SLC36A4: variants seen among roughly 807,000 people sequenced by gnomAD.
SLC36A4 encodes neutral amino acid uniporter 4.
A neutral mutation model predicts 50.5 loss-of-function variants in SLC36A4; 49 were observed. The observed-to-expected ratio is 0.97, with a 90% CI of 0.77 to 1.23. The LOEUF (loss-of-function observed/expected upper bound fraction) is 1.23, where lower values mean the gene tolerates loss of function less well. SLC36A4 is among the 50% of genes most tolerant of loss of function. SLC36A4 has a pLI of 0.00. For missense variants in SLC36A4, 611 were observed against 608.4 expected, an observed-to-expected ratio of 1.00 and a Z score of -0.05; for synonymous variants, 207 against 206.5, an observed-to-expected ratio of 1.00 and a Z score of -0.02.
chr11:93,154,010 C>G, intron 10 of SLC36A4, 98 bp downstream of exon 10: 1 of 578,408 alleles, frequency 1.7e-6, no homozygotes, highest in South Asian at 5.6e-5. Context: ...AAAAATACAT[C>G]TTATGTAGCT....
At chr11:93,180,463 T>A (rs1371649615) in intron 6 of SLC36A4, 1 of 327,776 alleles carries the variant, frequency 3.1e-6, no homozygotes, top group African/African-American at 2.2e-5. Context: ...CTTATATAGT[T>A]CTTTAAACAA....
chr11:93,162,851 T>C lies in SLC36A4; in HGVS notation c.892A>G (p.Lys298Glu). 1 of 1,612,800 alleles carries C rather than the reference T, an allele frequency of 6.2e-7. No homozygotes were observed. The highest frequency in any genetic ancestry group is 8.5e-7 in the Non-Finnish European group (1 of 1,179,682). ...GVVLPLENQM[K>E]ESKRFPQALN... The stretch of plus-strand genomic sequence containing the variant: ...GCTTGAGGGAAACGCTTTGATTCTT[T>C]CATTTGGTTTTCCAGTGGAAGGACC... Residue 298 changes from lysine to glutamate, a missense_variant, in exon 9 of 11, where the codon AAA becomes GAA. Coordinates refer to ENST00000326402, the MANE Select transcript of SLC36A4 (RefSeq NM_152313.4).
chr11:93,166,252 T>C (rs1860858283), intron 7 of SLC36A4: 2 of 1,219,842 alleles, frequency 1.6e-6, no homozygotes, highest in African/African-American at 3.1e-5. Flanking sequence ...CTGAGCAAAA[T>C]GCTCCTGATT....
At chr11:93,177,088 C>G (rs1359140065) in intron 6 of SLC36A4, among the ~76,000 whole-genome samples, 1 of 152,182 alleles carries the variant, frequency 6.6e-6, no homozygotes, top group Non-Finnish European at 1.5e-5. Flanking sequence ...TTCAGGTATA[C>G]CAAATCAGAC....
intron 1 of SLC36A4, among the ~76,000 whole-genome samples, chr11:93,195,573 C>T (rs543636029): frequency 6.6e-6 from 1 of 152,316 alleles, no homozygotes; most frequent in Non-Finnish European, 1.5e-5. Flanking sequence ...TCAATGCAAT[C>T]CTTTTAAAAC....
intron 2 of SLC36A4, among the ~76,000 whole-genome samples, 193 bp from the exon 3 acceptor site, chr11:93,184,713 G>A (rs1344736096): frequency 6.6e-6 from 1 of 152,068 alleles, no homozygotes; most frequent in East Asian, 1.9e-4. Context: ...GGAATAACAA[G>A]AGTTATTGTG....
chr11:93,180,658 A>T, intron 6 of SLC36A4, 139 bp downstream of exon 6: 1 of 713,012 alleles, frequency 1.4e-6, no homozygotes, highest in Non-Finnish European at 2.4e-6. Flanking sequence ...AAAAAAGACT[A>T]AAGGAAAATT....
intron 8 of SLC36A4, among the ~76,000 whole-genome samples, chr11:93,165,407 CATT>C (rs888822299): frequency 1.3e-5 from 2 of 152,104 alleles, no homozygotes; most frequent in African/African-American, 4.8e-5. Flanking sequence ...TCAAAACAAA[CATT>C]ATATTCATAA....
intron 9 of SLC36A4, chr11:93,160,091 A>G: frequency 1.0e-6 from 1 of 985,392 alleles, no homozygotes. Context: ...ATGTAATCCC[A>G]TGATTATTCT....
rs1162819362 is a variant in SLC36A4 at position 93,168,095 on chromosome 11, C to G, written c.617G>C (p.Ser206Thr). The change falls in exon 7 of 11, where the codon AGT (serine) becomes ACT (threonine). Residue 206 changes from serine to threonine, a missense_variant. Coordinates refer to ENST00000326402, the MANE Select transcript of SLC36A4 (RefSeq NM_152313.4). ...TNSSNPCERRSVDLRIYMLCF... is the reference protein window; with the variant it reads ...TNSSNPCERRTVDLRIYMLCF... ...AAGCATATATATCCTTAGGTCAACA[C>G]TTCTTCTCTCACAAGGGTTTGATGA... The G allele has an allele frequency of 6.2e-7, 1 of 1,612,384 alleles. No individual in the cohort carries two copies. Among genetic ancestry groups the G allele is most frequent in the Non-Finnish European group, 8.5e-7 (1 of 1,179,030 alleles).
intron 6 of SLC36A4, among the ~76,000 whole-genome samples, chr11:93,170,460 C>T (rs1246672999): frequency 1.3e-5 from 2 of 151,996 alleles, no homozygotes; most frequent in Non-Finnish European, 2.9e-5. Context: ...CTGAGCCTCA[C>T]AATAAGTTTA....
chr11:93,166,737 T>C (rs977759066), intron 7 of SLC36A4: 3 of 152,084 alleles, frequency 2.0e-5, no homozygotes, highest in African/African-American at 7.2e-5. Context: ...CTTTGCCTGA[T>C]TGGAAGCAGA....
chr11:93,148,580 A>G lies in SLC36A4; in HGVS notation c.1472T>C (p.Phe491Ser), dbSNP rs764269612. 4.3e-6 allele frequency: 7 copies of G among 1,612,084 alleles called. No individual in the cohort carries two copies. The highest frequency in any genetic ancestry group is 2.2e-5 in the East Asian group (1 of 44,816). The change falls in exon 11 of 11, where the codon TTT becomes TCT. Residue 491 changes from phenylalanine to serine, a missense_variant. By Grantham distance (155) the Phe-to-Ser change is radical (BLOSUM62 -2). Transcript: ENST00000326402. The stretch of plus-strand genomic sequence containing the variant: ...TAAGCATGTTGAATTCAAATTTAGA[A>G]AAGGACTCTGTGGAGTGCCAGCTAC... ...KVVAGTPQSP[F>S]LNLNSTCLTS...
chr11:93,155,009 T>C (rs1467944105), intron 9 of SLC36A4: 1 of 152,122 alleles, frequency 6.6e-6, no homozygotes, highest in Non-Finnish European at 1.5e-5. Context: ...TTCGCATGCA[T>C]GTCTTGATAA....
intron 3 of SLC36A4, among the ~76,000 whole-genome samples, chr11:93,184,177 A>G (rs1426441951): frequency 6.6e-6 from 1 of 152,200 alleles, no homozygotes; most frequent in African/African-American, 2.4e-5. Context: ...TGGAAAAATC[A>G]AAGACTGTTT....
rs1861741198 is a variant in SLC36A4 at position 93,181,690 on chromosome 11, C to G, written c.455+1G>C. 1 of 1,517,314 alleles carries G rather than the reference C, an allele frequency of 6.6e-7. No homozygotes were observed. Among genetic ancestry groups the G allele is most frequent in the Admixed American group, 2.1e-5 (1 of 46,958 alleles). The allele number at this position is 1,517,314 out of a possible 1,614,324, so 94.0% of individuals were successfully genotyped here. A position where few individuals can be genotyped will look rare whatever the true frequency, so the allele number is the denominator to read the frequency against. ...ATATTAATAACAGAGTAAGTACTTA[C>G]CGCCCCCATGCTGCTTGCTTCTGAA... On this transcript the variant is annotated splice_donor_variant, in intron 5 of 10. Coordinates refer to ENST00000326402, the MANE Select transcript of SLC36A4 (RefSeq NM_152313.4). LOFTEE classifies it high-confidence loss of function.
intron 1 of SLC36A4, among the ~76,000 whole-genome samples, chr11:93,186,478 C>T (rs1196699884): frequency 3.3e-5 from 5 of 151,974 alleles, no homozygotes; most frequent in Non-Finnish European, 1.5e-5. Context: ...GGTTTCTTTG[C>T]CATTATATTT....
intron 6 of SLC36A4, chr11:93,171,595 A>G (rs1861137736): frequency 1.3e-5 from 2 of 152,094 alleles, no homozygotes; most frequent in Admixed American, 6.6e-5. Context: ...ATAAAATTAT[A>G]AGGCATTATT....
intron 1 of SLC36A4, among the ~76,000 whole-genome samples, chr11:93,194,623 G>A (rs994533742): frequency 6.6e-6 from 1 of 152,054 alleles, no homozygotes; most frequent in African/African-American, 2.4e-5. Context: ...TAGAAAATCA[G>A]AAAATATATA....
Sources: allele counts gnomAD v4.1 joint callset (sites outside exome capture counted in the v4.1 genomes callset), GRCh38; gene constraint gnomAD v4.1.1; transcripts MANE v1.5; gene names NCBI Gene and HGNC (gene_info 2026-07-23, HGNC 2026-07-21).